The following TBC1D1 variants were observed in gnomAD, a reference collection of about 807,000 sequenced individuals.
TBC1D1 encodes TBC1 domain family member 1.
Under a neutral mutation model 125.6 loss-of-function variants are expected in TBC1D1, and 89 were observed. That is an observed-to-expected ratio of 0.71 (90% CI 0.60 to 0.85). TBC1D1 has a LOEUF of 0.85. Among genes scored for constraint, TBC1D1 ranks in the 40% least tolerant of loss-of-function variants. The pLI is 0.00. For missense variants in TBC1D1, 1,377 were observed against 1,469.2 expected (o/e 0.94, Z 1.03); for synonymous variants, 565 against 564.1 (o/e 1.00, Z -0.02).
intron 5 of TBC1D1, 62 bp downstream of exon 5, chr4:38,020,757 G>A: frequency 1.4e-6 from 2 of 1,437,528 alleles, no homozygotes; most frequent in Non-Finnish European, 2.0e-6. Flanking sequence ...TAGCTCCACT[G>A]ATTTTTCTGT....
At chr4:38,054,092 T>C (rs1269683107) in intron 11 of TBC1D1, 107 bp from the exon 14 acceptor site, 6 of 1,228,262 alleles carry the variant, frequency 4.9e-6, no homozygotes, top group South Asian at 1.3e-5. Context: ...TATTTGTTTA[T>C]ACAAAGATAG....
chr4:38,004,258 C>T (rs1164911282), intron 2 of TBC1D1, among the ~76,000 whole-genome samples: 3 of 152,182 alleles, frequency 2.0e-5, no homozygotes, highest in Non-Finnish European at 4.4e-5. Flanking sequence ...AGTTACTGCT[C>T]CAGATCCCTG....
intron 14 of TBC1D1, 134 bp downstream of exon 16, chr4:38,096,224 C>T: frequency 1.5e-6 from 1 of 663,372 alleles, no homozygotes; most frequent in Admixed American, 2.9e-5. Flanking sequence ...AATCTATTTC[C>T]ATATACCTTA....
At chr4:38,006,907 C>T (rs570858829) in intron 2 of TBC1D1, 24 of 468,910 alleles carry the variant, frequency 5.1e-5, no homozygotes, top group South Asian at 2.1e-4. Context: ...ATCCAAGAAA[C>T]CAGAGTGTTC....
Position 37,903,430 on chromosome 4 carries a change from C to T in TBC1D1, c.417+918C>T, listed in dbSNP as rs145851138. On this transcript the variant is annotated intron_variant, in intron 2 of 19. Coordinates refer to ENST00000261439, the MANE Select transcript of TBC1D1 (RefSeq NM_015173.4). ...AACCCCATGGACTGTGGAGTCTTGC[C>T]GTTGTTTTGGGTGCCAAGCAAGCCA... 1.8e-4 allele frequency among the ~76,000 whole-genome samples: 27 copies of T among 152,234 alleles called. No homozygotes were observed. In the East Asian group the frequency reaches 5.0e-3, roughly 28 times the overall value.
At position 37,977,536 on chromosome 4, in the gene TBC1D1, G is replaced by A; in HGVS notation, c.418-36973G>A. The A allele has an allele frequency of 1.1e-6, 1 of 944,764 alleles. No individual in the cohort carries two copies. Among genetic ancestry groups the A allele is most frequent in the Non-Finnish European group, 1.3e-6 (1 of 781,440 alleles). The allele number at this position is 944,764 out of a possible 1,614,324, so 58.5% of individuals were successfully genotyped here. On this transcript the variant is annotated intron_variant, in intron 2 of 19. Coordinates refer to ENST00000261439, the MANE Select transcript of TBC1D1 (RefSeq NM_015173.4). This position sits in a 1 kb window ranked among gnomAD's most constrained non-coding sequence, Gnocchi z 4.3. ...GTTCAGCTGGGTGGCCAAGGTAGGC[G>A]GCGTCGGGCGGGCGCCCGTTACCGG...
At chr4:37,934,786 TCA>T (rs1386771814) in intron 2 of TBC1D1, among the ~76,000 whole-genome samples, 1 of 152,162 alleles carries the variant, frequency 6.6e-6, no homozygotes, top group Non-Finnish European at 1.5e-5. Context: ...CCCACCTGTA[TCA>T]GTCAGAGTGG....
In TBC1D1 at chr4:37,921,880, C is replaced by T. The variant is rs1040947228; in HGVS notation, c.417+19368C>T. 3.4e-5 allele frequency among the ~76,000 whole-genome samples: 5 copies of T among 148,536 alleles called. No homozygotes were observed. In the South Asian group the frequency reaches 1.1e-3, roughly 32 times the overall value. ...CCTCCCAAGCAGTTAAGACTACAGG[C>T]GTGCACACCATACCCAGCTAATTTA... On this transcript the variant is annotated intron_variant, in intron 2 of 19. Coordinates refer to ENST00000261439, the MANE Select transcript of TBC1D1 (RefSeq NM_015173.4).
chr4:38,066,755 T>A (rs1005733029), intron 12 of TBC1D1, among the ~76,000 whole-genome samples: 5 of 152,216 alleles, frequency 3.3e-5, no homozygotes, highest in Admixed American at 6.5e-5. Flanking sequence ...CTCTCCGCTT[T>A]GTGAGATCCT....
intron 1 of TBC1D1, among the ~76,000 whole-genome samples, chr4:37,899,206 G>C (rs377038110): frequency 6.6e-6 from 1 of 151,782 alleles, no homozygotes; most frequent in South Asian, 2.1e-4. Context: ...GAAGGGATCT[G>C]AATGACCCCT....
intron 2 of TBC1D1, among the ~76,000 whole-genome samples, chr4:37,981,255 T>C (rs544689741): frequency 7.5e-4 from 115 of 152,318 alleles, no homozygotes; most frequent in African/African-American, 2.5e-3. Flanking sequence ...CAGAATCCTT[T>C]TGTAAAGCAA....
chr4:38,059,969 T>A (rs184338211), intron 12 of TBC1D1, among the ~76,000 whole-genome samples: 7 of 152,140 alleles, frequency 4.6e-5, no homozygotes, highest in African/African-American at 1.7e-4. Context: ...AGCAAAAACA[T>A]GTGGTGTTTG....
intron 2 of TBC1D1, among the ~76,000 whole-genome samples, chr4:38,005,216 T>C (rs981635449): frequency 2.6e-5 from 4 of 152,206 alleles, no homozygotes; most frequent in Non-Finnish European, 5.9e-5. Flanking sequence ...AAATGTGTGC[T>C]TTATTTTCCT....
chr4:38,100,032 A>G (rs910766350), intron 14 of TBC1D1, among the ~76,000 whole-genome samples: 1 of 152,198 alleles, frequency 6.6e-6, no homozygotes, highest in African/African-American at 2.4e-5. Context: ...AAAAAGCCCC[A>G]CTATAAATCA....
chr4:37,972,476 C>T (rs992318877), intron 2 of TBC1D1, among the ~76,000 whole-genome samples: 4 of 113,322 alleles, frequency 3.5e-5, no homozygotes, highest in Admixed American at 2.1e-4. Flanking sequence ...AGGGAAACGC[C>T]GTTTCAAAAA....
intron 8 of TBC1D1, among the ~76,000 whole-genome samples, chr4:38,040,724 G>A (rs1018310134): frequency 1.3e-5 from 2 of 152,202 alleles, no homozygotes; most frequent in Non-Finnish European, 2.9e-5. Flanking sequence ...GGAGCCCTTT[G>A]TGGGCAATTC....
intron 2 of TBC1D1, among the ~76,000 whole-genome samples, chr4:37,981,239 A>G (rs1734282921): frequency 6.6e-6 from 1 of 152,194 alleles, no homozygotes; most frequent in Non-Finnish European, 1.5e-5. Flanking sequence ...CATTGCATCC[A>G]GCCCACAGAA....
At chr4:37,926,536 T>C (rs1271598130) in intron 2 of TBC1D1, among the ~76,000 whole-genome samples, 2 of 152,256 alleles carry the variant, frequency 1.3e-5, no homozygotes, top group Non-Finnish European at 2.9e-5. Flanking sequence ...TTTTTGAGGC[T>C]TCCCTTCCTC....
intron 1 of TBC1D1, among the ~76,000 whole-genome samples, chr4:37,900,001 G>C (rs1410745259): frequency 6.6e-6 from 1 of 152,038 alleles, no homozygotes; most frequent in African/African-American, 2.4e-5. Flanking sequence ...GGCGCCTGTA[G>C]TCCCAGCTAC....
Sources: allele counts gnomAD v4.1 joint callset (sites outside exome capture counted in the v4.1 genomes callset), GRCh38; gene constraint gnomAD v4.1.1; non-coding constraint Gnocchi (gnomAD v3.1); transcripts MANE v1.5; gene names NCBI Gene and HGNC (gene_info 2026-07-23, HGNC 2026-07-21).